Variants in CSMD3 observed in about 807,000 individuals in gnomAD.
CSMD3 encodes the protein CUB and sushi domain-containing protein 3.
In CSMD3, 177 loss-of-function variants were observed where a neutral mutation model predicts 435.2. That is an observed-to-expected ratio of 0.41 (90% CI 0.36 to 0.46). The LOEUF (loss-of-function observed/expected upper bound fraction) is 0.46, where lower values mean the gene tolerates loss of function less well. CSMD3 is among the 20% of genes least tolerant of loss of function. The pLI, the probability that CSMD3 is intolerant of heterozygous loss-of-function variation, is 0.34. For synonymous variants in CSMD3, 1,656 were observed against 1,520.5 expected, an observed-to-expected ratio of 1.09 and a Z score of -2.07; for missense variants, 4,265 against 4,504.6, an observed-to-expected ratio of 0.95 and a Z score of 1.52.
chr8:112,899,542 T>C (rs2082043448), intron 10 of CSMD3, among the ~76,000 whole-genome samples: 1 of 143,456 alleles, frequency 7.0e-6, no homozygotes, highest in Non-Finnish European at 1.5e-5. Context: ...AAATATACTA[T>C]ATATATTTTG....
At chr8:113,161,239 GT>G (rs1015083773) in intron 4 of CSMD3, among the ~76,000 whole-genome samples, 25 of 152,238 alleles carry the variant, frequency 1.6e-4, no homozygotes, top group African/African-American at 5.1e-4. Flanking sequence ...AGCATTTTGT[GT>G]AAGAAGAATT....
intron 32 of CSMD3, among the ~76,000 whole-genome samples, chr8:112,432,540 T>G (rs1813833480): frequency 6.6e-6 from 1 of 152,056 alleles, no homozygotes; most frequent in South Asian, 2.1e-4. Context: ...CTCAAACTCC[T>G]GGGCTCAAGT....
At chr8:112,404,065 G>C (rs887581512) in intron 35 of CSMD3, among the ~76,000 whole-genome samples, 8 of 152,040 alleles carry the variant, frequency 5.3e-5, no homozygotes, top group Non-Finnish European at 1.0e-4. Flanking sequence ...TTTTGGGGTT[G>C]GGGTGGGAGT....
chr8:112,484,616 T>G (rs969226000), intron 31 of CSMD3, among the ~76,000 whole-genome samples: 1 of 151,908 alleles, frequency 6.6e-6, no homozygotes, highest in African/African-American at 2.4e-5. Flanking sequence ...GGGGCACATC[T>G]TCGTACAATG....
chr8:112,980,842 A>C (rs1267561356), intron 6 of CSMD3, among the ~76,000 whole-genome samples: 5 of 151,538 alleles, frequency 3.3e-5, no homozygotes, highest in African/African-American at 1.2e-4. Flanking sequence ...GTATTTTAAA[A>C]TCTGGCTACC....
chr8:112,295,160 T>A (rs1305003623), intron 54 of CSMD3, among the ~76,000 whole-genome samples: 1 of 152,176 alleles, frequency 6.6e-6, no homozygotes, highest in Non-Finnish European at 1.5e-5. Flanking sequence ...CTACGTTACA[T>A]ATGTGTAATC....
At chr8:112,890,998 A>G (rs1259316970) in intron 10 of CSMD3, among the ~76,000 whole-genome samples, 1 of 151,696 alleles carries the variant, frequency 6.6e-6, no homozygotes, top group Non-Finnish European at 1.5e-5. Context: ...TGAAATACAT[A>G]CATCTATACA....
intron 69 of CSMD3, among the ~76,000 whole-genome samples, chr8:112,230,545 TGG>T (rs1201432137): frequency 6.6e-6 from 1 of 152,172 alleles, no homozygotes; most frequent in Non-Finnish European, 1.5e-5. Flanking sequence ...TCCCAGCACT[TGG>T]GGAGGCCAAG....
At chr8:113,387,904 T>C (rs1425386402) in intron 1 of CSMD3, among the ~76,000 whole-genome samples, 1 of 151,678 alleles carries the variant, frequency 6.6e-6, no homozygotes, top group African/African-American at 2.4e-5. Context: ...TACTCTTAAT[T>C]TGACACCTAA....
chr8:112,745,514 G>A (rs532589842), intron 13 of CSMD3, among the ~76,000 whole-genome samples: 1 of 151,848 alleles, frequency 6.6e-6, no homozygotes, highest in South Asian at 2.1e-4. Context: ...AAATTATTAT[G>A]CATACTCAGA....
At chr8:112,624,728 A>C (rs1025084200) in intron 22 of CSMD3, among the ~76,000 whole-genome samples, 10 of 152,012 alleles carry the variant, frequency 6.6e-5, no homozygotes, top group African/African-American at 2.4e-4. Context: ...TACATGCTGA[A>C]CACTCAATAG....
In CSMD3 at chr8:113,029,513, A is replaced by G. The variant is rs183280167; in HGVS notation, c.918-10334T>C. Among the ~76,000 whole-genome samples the G allele has an allele frequency of 5.4e-4, 82 of 151,814 alleles. 2 individuals carry two copies. In the East Asian group the frequency reaches 0.013, roughly 24 times the overall value. ...TGTGATACACCACATAAACAGAATT[A>G]AAAACAAATATCACATGATCATCAC... On this transcript the variant is annotated intron_variant, in intron 5 of 70. Transcript: ENST00000297405.
chr8:113,281,228 A>T (rs2093610840), intron 2 of CSMD3, among the ~76,000 whole-genome samples: 1 of 151,352 alleles, frequency 6.6e-6, no homozygotes, highest in East Asian at 1.9e-4. Context: ...TTCTTTGTTG[A>T]GTTTCTGTCT....
At chr8:113,009,767 T>C (rs1292895776) in intron 6 of CSMD3, among the ~76,000 whole-genome samples, 20 of 151,848 alleles carry the variant, frequency 1.3e-4, no homozygotes, top group Non-Finnish European at 2.9e-5. Flanking sequence ...TATGAAATTA[T>C]TACCTTTCCC....
At chr8:112,835,699 A>C (rs901551968) in intron 11 of CSMD3, among the ~76,000 whole-genome samples, 3 of 151,900 alleles carry the variant, frequency 2.0e-5, no homozygotes, top group Admixed American at 1.3e-4. Flanking sequence ...GTCAAAAGCA[A>C]CAGAAACACA....
At chr8:112,637,579 G>A (rs558634186) in intron 21 of CSMD3, among the ~76,000 whole-genome samples, 1 of 152,072 alleles carries the variant, frequency 6.6e-6, no homozygotes, top group African/African-American at 2.4e-5. Context: ...TTTTCCCCAG[G>A]CAATAAATGA....
chr8:112,235,131 C>G (rs1813448310), intron 67 of CSMD3, among the ~76,000 whole-genome samples: 1 of 152,078 alleles, frequency 6.6e-6, no homozygotes. Flanking sequence ...TTTGGGAAGC[C>G]AAGGCGGACA....
chr8:113,407,182 G>T (rs1005950878), intron 1 of CSMD3, among the ~76,000 whole-genome samples: 2 of 152,050 alleles, frequency 1.3e-5, no homozygotes, highest in African/African-American at 2.4e-5. Flanking sequence ...AATCAATAAT[G>T]TTTTATATAA....
chr8:112,786,676 T>C (rs1279769701), intron 13 of CSMD3, among the ~76,000 whole-genome samples: 2 of 152,056 alleles, frequency 1.3e-5, no homozygotes, highest in Non-Finnish European at 2.9e-5. Flanking sequence ...CTCAACATCA[T>C]TGATTATTAG....
Sources: gnomAD v4.1 joint callset for allele counts (sites outside exome capture counted in the v4.1 genomes callset) on GRCh38, gnomAD v4.1.1 for gene constraint, MANE v1.5 for transcripts, NCBI Gene and HGNC (gene_info 2026-07-23, HGNC 2026-07-21) for gene names.